ADAM19: variants seen among roughly 807,000 people sequenced by gnomAD.
ADAM19 encodes ADAM metallopeptidase domain 19.
Under a neutral mutation model 114.7 loss-of-function variants are expected in ADAM19, and 65 were observed. That is an observed-to-expected ratio of 0.57 (90% confidence interval 0.46 to 0.70). The LOEUF is 0.70. Ranked by LOEUF, ADAM19 falls within the 30% of genes least tolerant of loss-of-function variation. The pLI, the probability that ADAM19 is intolerant of heterozygous loss-of-function variation, is 0.00. For synonymous variants in ADAM19, 466 were observed against 460.5 expected, an observed-to-expected ratio of 1.01 and a Z score of -0.15; for missense variants, 1,063 against 1,204.7, an observed-to-expected ratio of 0.88 and a Z score of 1.74.
intron 8 of ADAM19, among the ~76,000 whole-genome samples, chr5:157,509,716 G>A (rs371766433): frequency 2.0e-5 from 3 of 152,316 alleles, no homozygotes; most frequent in African/African-American, 7.2e-5. Context: ...AAGGGAAAAT[G>A]AGATCCTGAG....
chr5:157,544,852 T>A (rs1757006580), intron 3 of ADAM19, among the ~76,000 whole-genome samples: 1 of 152,144 alleles, frequency 6.6e-6, no homozygotes, highest in South Asian at 2.1e-4. Flanking sequence ...GATTAGCCGA[T>A]ACCACAGAAA....
intron 3 of ADAM19, among the ~76,000 whole-genome samples, chr5:157,555,778 C>T (rs1268428574): frequency 2.0e-5 from 3 of 152,136 alleles, no homozygotes; most frequent in South Asian, 2.1e-4. Flanking sequence ...AGAATGAAAT[C>T]GGTATTATTG....
intron 12 of ADAM19, 111 bp from the exon 13 acceptor site, chr5:157,499,773 C>CACT: frequency 4.8e-6 from 2 of 419,702 alleles, no homozygotes; most frequent in Non-Finnish European, 8.4e-6. Context: ...GCAACTATCT[C>CACT]TTTTTTTTTT....
At chr5:157,556,268 G>T (rs1375192384) in intron 3 of ADAM19, among the ~76,000 whole-genome samples, 5 of 131,012 alleles carry the variant, frequency 3.8e-5, no homozygotes, top group Non-Finnish European at 7.8e-5. Context: ...GCCCAGGCTG[G>T]AGTGCAGTGG....
In ADAM19 at chr5:157,502,829, C is replaced by G; in HGVS notation, c.1282G>C (p.Glu428Gln). The change falls in exon 12 of 23, where the codon GAA becomes CAA. Residue 428 changes from glutamate to glutamine, a missense_variant. By Grantham distance (29) the Glu-to-Gln change is conservative. This residue lies in a region of ADAM19 where 615 missense variants were observed against 706.3 expected (regional missense o/e 0.87). Transcript: ENST00000257527. ...TCTTCTTCTCCACAGTCACACTCTT[C>G]CCCATCTTCCAGATACCCGTTCCCA... ...RCGNGYLEDGEECDCGEEEEC... is the reference protein window; with the variant it reads ...RCGNGYLEDGQECDCGEEEEC... The G allele has an allele frequency of 6.2e-7, 1 of 1,614,216 alleles. No individual in the cohort carries two copies. Among genetic ancestry groups the G allele is most frequent in the Non-Finnish European group, 8.5e-7 (1 of 1,180,018 alleles).
intron 12 of ADAM19, among the ~76,000 whole-genome samples, chr5:157,501,986 G>C (rs1052888766): frequency 6.6e-6 from 1 of 152,194 alleles, no homozygotes; most frequent in African/African-American, 2.4e-5. Context: ...GAACCCTGGA[G>C]GTGGAGGTTG....
chr5:157,530,042 C>T (rs1016601666), intron 5 of ADAM19, among the ~76,000 whole-genome samples: 4 of 152,194 alleles, frequency 2.6e-5, no homozygotes, highest in Non-Finnish European at 4.4e-5. Flanking sequence ...CCATCCCGAG[C>T]ATATTAACCA....
Position 157,477,328 on chromosome 5 carries a change from C to T in ADAM19, c.*3621G>A, listed in dbSNP as rs920364473. The stretch of plus-strand genomic sequence containing the variant: ...ATAACATTGCAAATGACAAACAATT[C>T]ATTTTTAATTAAATACTAACAAGGA... On this transcript the variant is annotated 3_prime_UTR_variant, in exon 23 of 23. Transcript: ENST00000257527. The T allele has an allele frequency of 3.2e-5, 32 of 998,840 alleles. No homozygotes were observed. The highest frequency in any genetic ancestry group is 3.8e-5 in the Non-Finnish European group (32 of 837,254). 61.9% of individuals were successfully genotyped at this position (998,840 alleles called of 1,614,324 possible).
chr5:157,508,791 G>A (rs1244258459), intron 9 of ADAM19, among the ~76,000 whole-genome samples: 1 of 152,156 alleles, frequency 6.6e-6, no homozygotes, highest in East Asian at 1.9e-4. Context: ...CCTCCTCAAT[G>A]TCTCCCTCCA....
At chr5:157,519,214 G>A (rs578146856) in intron 6 of ADAM19, among the ~76,000 whole-genome samples, 5 of 152,290 alleles carry the variant, frequency 3.3e-5, no homozygotes, top group Non-Finnish European at 5.9e-5. Context: ...ACAGAACCTC[G>A]AAACCTCGAA....
chr5:157,499,773 CTTTTTTTTTTT>C (rs553103564), intron 12 of ADAM19, 111 bp from the exon 13 acceptor site: 2 of 419,994 alleles, frequency 4.8e-6, no homozygotes, highest in Non-Finnish European at 8.4e-6. Flanking sequence ...GCAACTATCT[CTTTTTTTTTTT>C]TTTTTTTTTT....
intron 7 of ADAM19, among the ~76,000 whole-genome samples, chr5:157,517,610 T>C (rs1055306897): frequency 6.6e-6 from 1 of 152,200 alleles, no homozygotes; most frequent in African/African-American, 2.4e-5. Flanking sequence ...TAATGGTCCA[T>C]CTTAGTGCTT....
At chr5:157,561,162 C>T (rs1211247771) in intron 3 of ADAM19, among the ~76,000 whole-genome samples, 2 of 152,208 alleles carry the variant, frequency 1.3e-5, no homozygotes, top group Admixed American at 6.5e-5. Context: ...TCACGGATGT[C>T]ATCCGTGAGT....
rs540944590 is a variant in ADAM19, at chr5:157,514,469, G to A, written c.667-964C>T. The stretch of plus-strand genomic sequence containing the variant: ...AGCCTCCTGAGTAGCTGGGATTACA[G>A]GTGCTCGCCACCATGGCCAGCTAAT... On this transcript the variant is annotated intron_variant, in intron 7 of 22. Coordinates refer to ENST00000257527, the MANE Select transcript of ADAM19 (RefSeq NM_033274.5). 5.9e-5 allele frequency among the ~76,000 whole-genome samples: 9 copies of A among 152,102 alleles called. No homozygotes were observed. The South Asian group carries it at 1.9e-3, about 32-fold the overall frequency.
At chr5:157,513,939 A>G (rs1756013404) in intron 7 of ADAM19, among the ~76,000 whole-genome samples, 1 of 152,186 alleles carries the variant, frequency 6.6e-6, no homozygotes, top group African/African-American at 2.4e-5. Flanking sequence ...TCAATCAACA[A>G]TCATCGAATT....
rs764203673 is a variant in ADAM19 at position 157,493,065 on chromosome 5, G to A, written c.1816C>T (p.Arg606Trp). Residue 606 changes from arginine to tryptophan, a missense_variant, in exon 16 of 23, where the codon CGG (arginine) becomes TGG (tryptophan). Arg to Trp is a moderately radical substitution (Grantham distance 101, BLOSUM62 -3). Around this residue, in one of 3 missense-constraint regions of ADAM19, gnomAD observed 424 missense variants for 445.5 expected, o/e 0.95. Transcript: ENST00000257527. ...GGACCTCGGTAGACGTGGGTGCCCCGGCACTGGATCTGCCTCCCATTCATG... is the reference window on the plus strand; with the variant it reads ...GGACCTCGGTAGACGTGGGTGCCCCAGCACTGGATCTGCCTCCCATTCATG... ...IIMNGRQIQCRGTHVYRGPEE... is the reference protein window; with the variant it reads ...IIMNGRQIQCWGTHVYRGPEE... 6.2e-6 allele frequency: 10 copies of A among 1,614,194 alleles called. No homozygotes were observed. Among genetic ancestry groups the A allele is most frequent in the Non-Finnish European group, 7.6e-6 (9 of 1,180,040 alleles).
chr5:157,525,773 G>A (rs1200586155), intron 5 of ADAM19, among the ~76,000 whole-genome samples: 2 of 152,126 alleles, frequency 1.3e-5, no homozygotes, highest in East Asian at 1.9e-4. Context: ...GCTTATTCCA[G>A]GCCATCATGC....
intron 7 of ADAM19, among the ~76,000 whole-genome samples, chr5:157,516,130 GT>G (rs1449140362): frequency 6.6e-6 from 1 of 152,132 alleles, no homozygotes; most frequent in Non-Finnish European, 1.5e-5. Context: ...ATATATTTCT[GT>G]CTGCAGAGGA....
chr5:157,574,778 C>T (rs1757927815), intron 1 of ADAM19, among the ~76,000 whole-genome samples: 2 of 152,126 alleles, frequency 1.3e-5, no homozygotes, highest in Non-Finnish European at 2.9e-5. Context: ...GGAAACTAGT[C>T]CTGAGAAACA....
Sources: allele counts gnomAD v4.1 joint callset (sites outside exome capture counted in the v4.1 genomes callset), GRCh38; gene constraint gnomAD v4.1.1; regional missense constraint gnomAD v4.1.1; transcripts MANE v1.5; gene names NCBI Gene and HGNC (gene_info 2026-07-23, HGNC 2026-07-21).